FAM53B: variants seen among roughly 807,000 people sequenced by gnomAD.
FAM53B encodes protein FAM53B.
A neutral mutation model predicts 32.7 loss-of-function variants in FAM53B; 12 were observed. The ratio of observed to expected loss-of-function variants is 0.37; its 90% CI spans 0.24 to 0.59. FAM53B has a LOEUF of 0.59. Among genes scored for constraint, FAM53B ranks in the 20% least tolerant of loss-of-function variants. The pLI is 0.72. For synonymous variants in FAM53B, 234 were observed against 228.7 expected, an observed-to-expected ratio of 1.02 and a Z score of -0.21; for missense variants, 477 against 577.7, an observed-to-expected ratio of 0.83 and a Z score of 1.79.
chr10:124,724,295 G>A (rs988343673), intron 1 of FAM53B, among the ~76,000 whole-genome samples: 2 of 152,200 alleles, frequency 1.3e-5, no homozygotes, highest in Non-Finnish European at 2.9e-5. Context: ...GGACGGGGCT[G>A]GGAGTGGAGG....
intron 2 of FAM53B, among the ~76,000 whole-genome samples, chr10:124,701,359 C>T (rs1291909206): frequency 6.6e-6 from 1 of 152,250 alleles, no homozygotes; most frequent in Non-Finnish European, 1.5e-5. Flanking sequence ...TTCTAGCTAC[C>T]AGATCAGCCC....
At chr10:124,717,696 T>C (rs1950045727) in intron 1 of FAM53B, among the ~76,000 whole-genome samples, 1 of 152,152 alleles carries the variant, frequency 6.6e-6, no homozygotes, top group East Asian at 1.9e-4. Context: ...GTATGCGTGA[T>C]TGCATTTTCC....
At chr10:124,726,295 T>G (rs570150520) in intron 1 of FAM53B, among the ~76,000 whole-genome samples, 1 of 152,298 alleles carries the variant, frequency 6.6e-6, no homozygotes, top group East Asian at 1.9e-4. Flanking sequence ...ACCCCCAGCA[T>G]GTCCTCTGGC....
intron 4 of FAM53B, chr10:124,667,093 C>CA (rs1417965482): frequency 2.7e-6 from 1 of 374,166 alleles, no homozygotes; most frequent in East Asian, 6.0e-5. Flanking sequence ...TACATGCAGT[C>CA]ACTGAATGAT....
intron 4 of FAM53B, among the ~76,000 whole-genome samples, chr10:124,663,679 C>T (rs1333167385): frequency 1.3e-5 from 2 of 152,144 alleles, no homozygotes; most frequent in Non-Finnish European, 2.9e-5. Flanking sequence ...GTCTTCGTGC[C>T]GGAAGGTGAA....
At position 124,662,995 on chromosome 10, in the gene FAM53B, G is replaced by A. The variant is rs565674802; in HGVS notation, c.906+18612C>T. Among the ~76,000 whole-genome samples, 8 of 152,338 alleles carry A rather than the reference G, an allele frequency of 5.3e-5. No individual in the cohort carries two copies. The South Asian group carries it at 1.7e-3, about 32-fold the overall frequency. On this transcript the variant is annotated intron_variant, in intron 4 of 4. Transcript: ENST00000337318. ...ACAAGCCTAGACCAGGTGAAACAGGGTCTCACACAGAGCAGGAACGAGAAA... is the reference window on the plus strand; with the variant it reads ...ACAAGCCTAGACCAGGTGAAACAGGATCTCACACAGAGCAGGAACGAGAAA...
chr10:124,732,335 C>T (rs544097397), intron 1 of FAM53B, among the ~76,000 whole-genome samples: 19 of 152,322 alleles, frequency 1.2e-4, no homozygotes, highest in African/African-American at 4.1e-4. Flanking sequence ...ACCCAGAAAC[C>T]GGGCAGGATC....
At chr10:124,648,729 A>G (rs1949536861) in intron 4 of FAM53B, among the ~76,000 whole-genome samples, 1 of 152,264 alleles carries the variant, frequency 6.6e-6, no homozygotes. Flanking sequence ...AACTTGCCCA[A>G]GGTCCTACAG....
chr10:124,704,747 T>C (rs138443590), intron 2 of FAM53B, among the ~76,000 whole-genome samples: 153 of 152,170 alleles, frequency 1.0e-3, no homozygotes, highest in Middle Eastern at 3.4e-3. Context: ...AAGCATTCAG[T>C]GTAAAGCCAG....
intron 1 of FAM53B, among the ~76,000 whole-genome samples, chr10:124,740,500 G>A (rs987480950): frequency 3.3e-5 from 5 of 152,114 alleles, no homozygotes; most frequent in African/African-American, 1.2e-4. Context: ...GCATATCTAA[G>A]CCTCTGGGTT....
At chr10:124,714,279 C>T (rs1427367682) in intron 1 of FAM53B, 6 of 151,996 alleles carry the variant, frequency 3.9e-5, no homozygotes, top group Admixed American at 2.0e-4. Context: ...CTTTCCCAGA[C>T]CAAGTTGATA....
intron 1 of FAM53B, among the ~76,000 whole-genome samples, chr10:124,738,580 C>T (rs892261172): frequency 1.3e-5 from 2 of 151,950 alleles, no homozygotes; most frequent in African/African-American, 2.4e-5. Flanking sequence ...CACACCCCCC[C>T]GAGAAGCAAC....
At chr10:124,732,817 G>A (rs539464203) in intron 1 of FAM53B, among the ~76,000 whole-genome samples, 3 of 150,502 alleles carry the variant, frequency 2.0e-5, no homozygotes, top group East Asian at 2.0e-4. Context: ...GTGACAGAGT[G>A]AGACTCCATC....
At chr10:124,636,916 C>G (rs1451623577) in intron 4 of FAM53B, among the ~76,000 whole-genome samples, 1 of 151,968 alleles carries the variant, frequency 6.6e-6, no homozygotes, top group Non-Finnish European at 1.5e-5. Context: ...TTCCCAGAGT[C>G]AGGTGCAGCT....
intron 1 of FAM53B, among the ~76,000 whole-genome samples, chr10:124,725,356 T>C (rs1183898925): frequency 3.9e-5 from 6 of 152,158 alleles, no homozygotes; most frequent in Non-Finnish European, 1.5e-5. Context: ...TCAGGTGTCA[T>C]CAGGGAAGGG....
In FAM53B at chr10:124,722,910, C is replaced by T. The variant is rs151094969; in HGVS notation, c.-174-16023G>A. Among the ~76,000 whole-genome samples the T allele has an allele frequency of 1.9e-3, 286 of 152,342 alleles. 1 individual carries two copies. The highest frequency in any genetic ancestry group is 6.6e-3 in the African/African-American group (275 of 41,570). On this transcript the variant is annotated intron_variant, in intron 1 of 4. Coordinates refer to ENST00000337318, the MANE Select transcript of FAM53B (RefSeq NM_014661.4). Reference sequence around the variant, plus strand: ...AAAACATTCTGGAGTTCTCCAAATACCACATGCAGTTTCCTGCCTCCAGAC... The same window carrying T: ...AAAACATTCTGGAGTTCTCCAAATATCACATGCAGTTTCCTGCCTCCAGAC...
chr10:124,643,374 C>T lies in FAM53B; in HGVS notation c.907-19770G>A, dbSNP rs189674674. On this transcript the variant is annotated intron_variant, in intron 4 of 4. Coordinates refer to ENST00000337318, the MANE Select transcript of FAM53B (RefSeq NM_014661.4). ...CCTCAGCAGTTCTCCCTATTCACGA[C>T]GCGCAGGTGGCTGATAAATTTCCCA... Among the ~76,000 whole-genome samples, 11 of 152,406 alleles carry T rather than the reference C, an allele frequency of 7.2e-5. No individual in the cohort carries two copies. The East Asian group carries it at 1.7e-3, about 24-fold the overall frequency.
Position 124,628,614 on chromosome 10 carries a change from G to GT in FAM53B, c.907-5011dup, listed in dbSNP as rs1246135602. Among the ~76,000 whole-genome samples the GT allele has an allele frequency of 2.0e-5, 3 of 152,210 alleles. No individual in the cohort carries two copies. The East Asian group carries it at 5.8e-4, about 29-fold the overall frequency. On this transcript the variant is annotated intron_variant, in intron 4 of 4. Coordinates refer to ENST00000337318, the MANE Select transcript of FAM53B (RefSeq NM_014661.4). ...CTAAGAGGAAAGCCAGGCTGCTGGT[G>GT]TCCCACCTGGAGTCCCAAACCCACA...
intron 1 of FAM53B, among the ~76,000 whole-genome samples, chr10:124,743,799 C>G (rs567039157): frequency 4.1e-4 from 62 of 151,898 alleles, no homozygotes; most frequent in African/African-American, 1.5e-3. Flanking sequence ...CGAGACCGAG[C>G]GCCCGGAGAA....
Sources: gnomAD v4.1 joint callset for allele counts (sites outside exome capture counted in the v4.1 genomes callset) on GRCh38, gnomAD v4.1.1 for gene constraint, MANE v1.5 for transcripts, NCBI Gene and HGNC (gene_info 2026-07-23, HGNC 2026-07-21) for gene names.